ENSA: variants seen among roughly 807,000 people sequenced by gnomAD.
The protein encoded by ENSA is endosulfine alpha.
In ENSA, 7 loss-of-function variants were observed where a neutral mutation model predicts 16.8. That is an observed-to-expected ratio of 0.42 (90% confidence interval 0.24 to 0.78). The LOEUF (loss-of-function observed/expected upper bound fraction) is 0.78, where lower values mean the gene tolerates loss of function less well. Ranked by LOEUF, ENSA falls within the 30% of genes least tolerant of loss-of-function variation. ENSA has a pLI of 0.29. For missense variants in ENSA, 87 were observed against 142.3 expected (o/e 0.61, Z 1.98); for synonymous variants, 58 against 53.4 (o/e 1.09, Z -0.37).
At chr1:150,625,062 G>C (rs587754457) in intron 3 of ENSA, 1 of 985,416 alleles carries the variant, frequency 1.0e-6, no homozygotes, top group East Asian at 1.1e-4. Context: ...TTGAGAGCCA[G>C]AGCAAACTGT....
intron 1 of ENSA, chr1:150,629,096 C>A (rs766375677): frequency 1.9e-6 from 3 of 1,614,068 alleles, no homozygotes; most frequent in African/African-American, 2.7e-5. Flanking sequence ...CACCCAAGAC[C>A]ACCAGCCATC....
intron 1 of ENSA, chr1:150,629,064 T>C: frequency 1.2e-5 from 19 of 1,614,122 alleles, no homozygotes; most frequent in Non-Finnish European, 1.6e-5. Flanking sequence ...CACTTACCTC[T>C]ACAAACCAAT....
intron 1 of ENSA, chr1:150,628,908 G>C (rs1057420429): frequency 1.4e-6 from 1 of 726,078 alleles, no homozygotes; most frequent in African/African-American, 1.8e-5. Flanking sequence ...ACTAAAATAG[G>C]TCTCTTGAGA....
intron 1 of ENSA, 122 bp from the exon 2 acceptor site, chr1:150,627,714 T>G: frequency 9.9e-6 from 10 of 1,005,542 alleles, no homozygotes; most frequent in East Asian, 2.6e-5. Context: ...ACGCTATCTC[T>G]ACTCTGCTGT....
At chr1:150,622,952 G>T in intron 3 of ENSA, 93 bp from the exon 4 acceptor site, 1 of 1,439,582 alleles carries the variant, frequency 6.9e-7, no homozygotes, top group South Asian at 1.3e-5. Flanking sequence ...TCTACCCCAT[G>T]ATTCCTCCAC....
intron 1 of ENSA, chr1:150,629,143 A>G (rs1192161632): frequency 5.0e-6 from 8 of 1,613,736 alleles, no homozygotes; most frequent in Non-Finnish European, 6.8e-6. Context: ...CACCCGCCCC[A>G]CGTCCATGCT....
Position 150,627,599 on chromosome 1 carries a change from A to G in ENSA, c.58-7T>C, listed in dbSNP as rs1170055172. 1 of 1,598,502 alleles carries G rather than the reference A, an allele frequency of 6.3e-7. No homozygotes were observed. Among genetic ancestry groups the G allele is most frequent in the African/African-American group, 1.4e-5 (1 of 73,718 alleles). ...CTTCTTTCTCCTGCGTGTCCTGGAG[A>G]AAACAAATGAGCCAAATAAAATTAA... On this transcript the variant is annotated splice_region_variant and splice_polypyrimidine_tract_variant and intron_variant, in intron 1 of 3. Transcript: ENST00000369014.
At chr1:150,626,676 C>T in intron 2 of ENSA, 1 of 547,900 alleles carries the variant, frequency 1.8e-6, no homozygotes. Context: ...CCTGCTTCAG[C>T]CTCCCGAGTA....
At position 150,622,826 on chromosome 1, in the gene ENSA, G is replaced by A; in HGVS notation, c.*18C>T. 1 of 1,559,136 alleles carries A rather than the reference G, an allele frequency of 6.4e-7. No homozygotes were observed. Among genetic ancestry groups the A allele is most frequent in the Non-Finnish European group, 8.7e-7 (1 of 1,151,756 alleles). ...GGGAGGGGAAGCGTCTCAGGATCTG[G>A]CAGAGCCCCGGGCAGCATCATTCAA... is the stretch of plus-strand genomic sequence containing the variant. On this transcript the variant is annotated 3_prime_UTR_variant, in exon 4 of 4. Transcript: ENST00000369014.
In ENSA at chr1:150,625,792, G is replaced by GT. The variant is rs1278218113; in HGVS notation, c.199_200insA (p.Ser67TyrfsTer14). On this transcript the variant is annotated frameshift_variant, in exon 3 of 4. Transcript: ENST00000369014. LOFTEE classifies it high-confidence loss of function. ...GGCTTTGGCCATGTTGTAGTCTCCTGAGTCAAAGTACTTTTGCTAAGAGAT... is the reference window on the plus strand; with the variant it reads ...GGCTTTGGCCATGTTGTAGTCTCCTGTAGTCAAAGTACTTTTGCTAAGAGAT... 1 of 1,605,014 alleles carries GT rather than the reference G, an allele frequency of 6.2e-7. No individual in the cohort carries two copies. Among genetic ancestry groups the GT allele is most frequent in the Non-Finnish European group, 8.5e-7 (1 of 1,175,226 alleles).
chr1:150,627,630 G>C, intron 1 of ENSA, 38 bp from the exon 2 acceptor site: 1 of 1,579,200 alleles, frequency 6.3e-7, no homozygotes, highest in East Asian at 2.2e-5. Flanking sequence ...ATTAAAGACT[G>C]AGAAACAACA....
intron 1 of ENSA, chr1:150,629,180 G>A: frequency 1.2e-6 from 2 of 1,612,472 alleles, no homozygotes; most frequent in Non-Finnish European, 1.7e-6. Context: ...AGCGTCCAAG[G>A]TTTGAGCGGT....
chr1:150,629,387 C>G (rs945989385), intron 1 of ENSA, 27 bp downstream of exon 1: 2 of 1,608,112 alleles, frequency 1.2e-6, no homozygotes, highest in Non-Finnish European at 1.7e-6. Context: ...CTCCCCAGCT[C>G]GCCCGCCCGC....
chr1:150,625,033 T>C (rs1353031512), intron 3 of ENSA: 1 of 985,280 alleles, frequency 1.0e-6, no homozygotes, highest in Non-Finnish European at 1.2e-6. Context: ...TGAATAATGT[T>C]CATCAATCTT....
intron 3 of ENSA, chr1:150,625,069 C>T (rs1197409097): frequency 1.0e-6 from 1 of 985,246 alleles, no homozygotes; most frequent in Non-Finnish European, 1.2e-6. Flanking sequence ...CCAGAGCAAA[C>T]TGTAAGAGAT....
intron 3 of ENSA, chr1:150,623,943 C>T: frequency 1.0e-6 from 1 of 985,402 alleles, no homozygotes; most frequent in Non-Finnish European, 1.2e-6. Context: ...CACCTCATCC[C>T]CCCACATGCA....
intron 2 of ENSA, chr1:150,626,374 C>G (rs773608277): frequency 1.4e-5 from 15 of 1,076,522 alleles, no homozygotes; most frequent in Non-Finnish European, 1.8e-5. Context: ...GACAGCCTGC[C>G]CACGCCTGCC....
intron 2 of ENSA, among the ~76,000 whole-genome samples, chr1:150,626,049 G>A (rs1319408285): frequency 6.6e-6 from 1 of 152,096 alleles, no homozygotes; most frequent in Non-Finnish European, 1.5e-5. Context: ...ATATAGTTTT[G>A]GAGTCAAGGG....
chr1:150,627,301 C>G (rs984544545), intron 2 of ENSA, 166 bp downstream of exon 2: 5 of 1,588,666 alleles, frequency 3.1e-6, no homozygotes, highest in African/African-American at 2.7e-5. Flanking sequence ...GATACCACAT[C>G]AGGGATTTAC....
Sources: gnomAD v4.1 joint callset for allele counts (sites outside exome capture counted in the v4.1 genomes callset) on GRCh38, gnomAD v4.1.1 for gene constraint, MANE v1.5 for transcripts, NCBI Gene and HGNC (gene_info 2026-07-23, HGNC 2026-07-21) for gene names.